CSMD1: variants seen among roughly 807,000 people sequenced by gnomAD.
CSMD1 encodes CUB and sushi domain-containing protein 1.
Under a neutral mutation model 417.5 loss-of-function variants are expected in CSMD1, and 213 were observed. That is an observed-to-expected ratio of 0.51 (90% confidence interval 0.46 to 0.57). CSMD1 has a LOEUF of 0.57. Ranked by LOEUF, CSMD1 falls within the 20% of genes least tolerant of loss-of-function variation. The pLI is 0.00. For synonymous variants in CSMD1, 2,862 were observed against 1,736.8 expected (o/e 1.65, Z -16.11); for missense variants, 6,923 against 4,529.7 (o/e 1.53, Z -15.17).
chr8:3,176,237 A>C (rs187017815), intron 37 of CSMD1, among the ~76,000 whole-genome samples: 1 of 152,230 alleles, frequency 6.6e-6, no homozygotes, highest in Non-Finnish European at 1.5e-5. Context: ...AGCCATCTCT[A>C]AATGGAAAGC....
At chr8:3,854,932 G>A (rs1032371498) in intron 5 of CSMD1, among the ~76,000 whole-genome samples, 1 of 152,000 alleles carries the variant, frequency 6.6e-6, no homozygotes, top group African/African-American at 2.4e-5. Context: ...TAACAATGTT[G>A]AGAACGTGAT....
chr8:3,298,816 C>G (rs1266613875), intron 25 of CSMD1, among the ~76,000 whole-genome samples: 1 of 152,108 alleles, frequency 6.6e-6, no homozygotes, highest in African/African-American at 2.4e-5. Flanking sequence ...AGTGATTGTC[C>G]TGGAGAAGAG....
chr8:3,029,618 T>C (rs980857485), intron 50 of CSMD1, 105 bp from the exon 51 acceptor site: 1 of 936,960 alleles, frequency 1.1e-6, no homozygotes, highest in Non-Finnish European at 1.6e-6. Context: ...TGATCTTGTT[T>C]GGCAAAGTTG....
At chr8:4,151,872 G>C (rs1796588502) in intron 3 of CSMD1, among the ~76,000 whole-genome samples, 1 of 151,966 alleles carries the variant, frequency 6.6e-6, no homozygotes, top group Non-Finnish European at 1.5e-5. Flanking sequence ...TTCTATTGCA[G>C]GCACACATTA....
At chr8:4,207,805 A>G (rs544381560) in intron 3 of CSMD1, among the ~76,000 whole-genome samples, 72 of 152,304 alleles carry the variant, frequency 4.7e-4, no homozygotes, top group African/African-American at 1.7e-3. Flanking sequence ...AAAAGTTACA[A>G]TAATTATGTT....
At chr8:3,572,056 G>C (rs1387144867) in intron 10 of CSMD1, among the ~76,000 whole-genome samples, 1 of 152,194 alleles carries the variant, frequency 6.6e-6, no homozygotes, top group African/African-American at 2.4e-5. Context: ...CCACCTGTGA[G>C]TGGTATACTG....
chr8:4,414,839 A>G (rs960013855), intron 3 of CSMD1, among the ~76,000 whole-genome samples: 1 of 152,180 alleles, frequency 6.6e-6, no homozygotes, highest in African/African-American at 2.4e-5. Flanking sequence ...CCTCAAGGGT[A>G]CAAAGAGTAA....
intron 1 of CSMD1, among the ~76,000 whole-genome samples, chr8:4,905,747 G>A (rs986069909): frequency 9.4e-5 from 14 of 148,404 alleles, no homozygotes; most frequent in African/African-American, 3.5e-4. Flanking sequence ...GTGAAACCGG[G>A]AGGCGGAGCT....
At chr8:3,310,304 A>C (rs1805226045) in intron 23 of CSMD1, among the ~76,000 whole-genome samples, 1 of 152,118 alleles carries the variant, frequency 6.6e-6, no homozygotes. Context: ...AGGAAAAAAG[A>C]AGCAGAAGTC....
At chr8:4,264,950 C>T (rs903808493) in intron 3 of CSMD1, among the ~76,000 whole-genome samples, 2 of 152,168 alleles carry the variant, frequency 1.3e-5, no homozygotes, top group Middle Eastern at 3.4e-3. Flanking sequence ...TCAAATATTT[C>T]GAACAGGATA....
At chr8:3,387,289 C>G (rs1332015595) in intron 18 of CSMD1, among the ~76,000 whole-genome samples, 1 of 152,174 alleles carries the variant, frequency 6.6e-6, no homozygotes, top group Non-Finnish European at 1.5e-5. Flanking sequence ...AGTTGAAGGA[C>G]AGTTGTTCTA....
intron 5 of CSMD1, among the ~76,000 whole-genome samples, chr8:3,996,343 C>G (rs1815213772): frequency 6.6e-6 from 1 of 152,124 alleles, no homozygotes; most frequent in Non-Finnish European, 1.5e-5. Context: ...CTGAAAACCA[C>G]AATAATTTTA....
intron 1 of CSMD1, among the ~76,000 whole-genome samples, chr8:4,638,234 G>C (rs1802962557): frequency 6.6e-6 from 1 of 152,062 alleles, no homozygotes; most frequent in Admixed American, 6.5e-5. Context: ...TAAATTCTTT[G>C]TTGGTGGAAA....
intron 1 of CSMD1, 133 bp downstream of exon 1, chr8:4,994,199 C>G: frequency 1.3e-6 from 1 of 742,412 alleles, no homozygotes; most frequent in South Asian, 1.7e-5. Context: ...GTTCCCCGAG[C>G]TTCGGCGATG....
chr8:4,017,588 G>A (rs564138973), intron 4 of CSMD1, among the ~76,000 whole-genome samples: 3 of 152,108 alleles, frequency 2.0e-5, no homozygotes, highest in African/African-American at 7.2e-5. Flanking sequence ...TTACAGGCGT[G>A]AGCCACCGTG....
At chr8:3,242,791 G>A (rs1253844391) in intron 26 of CSMD1, among the ~76,000 whole-genome samples, 4 of 149,768 alleles carry the variant, frequency 2.7e-5, no homozygotes, top group East Asian at 2.0e-4. Flanking sequence ...CCAGACAAGC[G>A]GGAAAGGGGT....
chr8:3,262,532 G>C (rs1043347807), intron 26 of CSMD1, among the ~76,000 whole-genome samples: 1 of 150,294 alleles, frequency 6.7e-6, no homozygotes, highest in Admixed American at 6.6e-5. Flanking sequence ...ATTACTTCGG[G>C]CCAAATGAAA....
At chr8:3,889,103 T>C (rs912714700) in intron 5 of CSMD1, among the ~76,000 whole-genome samples, 5 of 152,112 alleles carry the variant, frequency 3.3e-5, no homozygotes, top group Non-Finnish European at 5.9e-5. Flanking sequence ...CATTGGTTGC[T>C]GCAAGTTAGA....
chr8:4,038,601 T>A (rs139467864), intron 3 of CSMD1, among the ~76,000 whole-genome samples: 29 of 152,348 alleles, frequency 1.9e-4, no homozygotes, highest in African/African-American at 6.7e-4. Flanking sequence ...TGAATACACA[T>A]GAAGAATTTA....
Sources: allele counts gnomAD v4.1 joint callset (sites outside exome capture counted in the v4.1 genomes callset), GRCh38; gene constraint gnomAD v4.1.1; transcripts MANE v1.5; gene names NCBI Gene and HGNC (gene_info 2026-07-23, HGNC 2026-07-21).